The following TAPT1 variants were observed in gnomAD, a reference collection of about 807,000 sequenced individuals.
TAPT1 encodes transmembrane anterior posterior transformation 1.
In TAPT1, 28 loss-of-function variants were observed where a neutral mutation model predicts 65.6. That is an observed-to-expected ratio of 0.43 (90% CI 0.32 to 0.59). TAPT1 has a LOEUF of 0.59. Among genes scored for constraint, TAPT1 ranks in the 20% least tolerant of loss-of-function variants. The probability of loss-of-function intolerance (pLI) is 0.09; values close to 1 mark genes in which losing one functional copy is unlikely to be tolerated. For synonymous variants in TAPT1, 278 were observed against 245.2 expected (o/e 1.13, Z -1.25); for missense variants, 563 against 679.9 (o/e 0.83, Z 1.91).
At chr4:16,179,067 TC>T (rs537367103) in intron 8 of TAPT1, 2 of 152,594 alleles carry the variant, frequency 1.3e-5, no homozygotes, top group East Asian at 3.9e-4. Flanking sequence ...CCCAATCCAT[TC>T]TACTGAAACA....
chr4:16,195,368 T>C (rs1435933425), intron 3 of TAPT1, among the ~76,000 whole-genome samples: 1 of 152,228 alleles, frequency 6.6e-6, no homozygotes, highest in Non-Finnish European at 1.5e-5. Context: ...TGGTGGTTAC[T>C]GGCAATTCAC....
intron 8 of TAPT1, 40 bp downstream of exon 8, chr4:16,179,537 A>G (rs757686648): frequency 1.6e-6 from 2 of 1,224,766 alleles, no homozygotes; most frequent in Non-Finnish European, 2.2e-6. Flanking sequence ...TTGGCTTAGA[A>G]GTAAAATTAT....
intron 7 of TAPT1, among the ~76,000 whole-genome samples, chr4:16,184,323 C>T (rs1266415999): frequency 6.6e-6 from 1 of 152,188 alleles, no homozygotes; most frequent in African/African-American, 2.4e-5. Context: ...CTGAGACCTA[C>T]ATAGCTGACA....
intron 11 of TAPT1, among the ~76,000 whole-genome samples, chr4:16,172,981 G>A (rs540322952): frequency 6.6e-6 from 1 of 152,006 alleles, no homozygotes; most frequent in South Asian, 2.1e-4. Context: ...CTGCCACCAC[G>A]CCTGACTAAT....
intron 3 of TAPT1, among the ~76,000 whole-genome samples, chr4:16,200,221 A>T (rs1407241510): frequency 6.6e-6 from 1 of 152,236 alleles, no homozygotes; most frequent in African/African-American, 2.4e-5. Context: ...CGTCCACATA[A>T]AGATGGCTAG....
upstream of TAPT1, chr4:16,227,376 GT>G: frequency 2.2e-6 from 1 of 450,962 alleles, no homozygotes; most frequent in South Asian, 1.6e-5. Context: ...AACGAGCGTG[GT>G]GTCGAGACCA....
At chr4:16,224,176 C>T (rs961449) in intron 1 of TAPT1, among the ~76,000 whole-genome samples, 110,226 of 152,042 alleles carry the variant, frequency 0.72, 40,144 homozygotes, top group Middle Eastern at 0.86. Flanking sequence ...CAAATGACTC[C>T]AGGTGCTGCC....
At chr4:16,165,532 T>C in intron 13 of TAPT1, among the ~76,000 whole-genome samples, 1 of 146,574 alleles carries the variant, frequency 6.8e-6, no homozygotes, top group Admixed American at 6.9e-5. Flanking sequence ...ATCACGCCAC[T>C]GCACTCCAGC....
At chr4:16,226,997 G>C, upstream of TAPT1, 1 of 442,318 alleles carries the variant, frequency 2.3e-6, no homozygotes, top group Non-Finnish European at 4.5e-6. Context: ...GCGCGGCCGC[G>C]GCGGCGGGGG....
intron 7 of TAPT1, among the ~76,000 whole-genome samples, chr4:16,181,067 C>G (rs1169960200): frequency 6.6e-6 from 1 of 152,174 alleles, no homozygotes; most frequent in Non-Finnish European, 1.5e-5. Flanking sequence ...AAAGAGGATA[C>G]AGGTTAAAGG....
At chr4:16,200,115 A>G (rs894317083) in intron 3 of TAPT1, among the ~76,000 whole-genome samples, 52 of 152,172 alleles carry the variant, frequency 3.4e-4, no homozygotes, top group African/African-American at 9.4e-4. Context: ...GGAAGGGACC[A>G]CTCCAGAAGG....
At chr4:16,214,931 A>G (rs1448548503) in intron 1 of TAPT1, among the ~76,000 whole-genome samples, 1 of 152,210 alleles carries the variant, frequency 6.6e-6, no homozygotes, top group Non-Finnish European at 1.5e-5. Flanking sequence ...GATCTACTTA[A>G]GGAGTTGCAC....
At chr4:16,194,339 G>GT (rs1244931553) in intron 3 of TAPT1, among the ~76,000 whole-genome samples, 1 of 152,094 alleles carries the variant, frequency 6.6e-6, no homozygotes, top group African/African-American at 2.4e-5. Flanking sequence ...AATCATCTTG[G>GT]TTTTACAAAT....
intron 12 of TAPT1, 162 bp from the exon 13 acceptor site, chr4:16,166,955 T>G: frequency 3.7e-5 from 19 of 515,820 alleles, no homozygotes; most frequent in Middle Eastern, 5.4e-4. Flanking sequence ...TGAGGCCTCC[T>G]TGTCACAAAG....
intron 1 of TAPT1, among the ~76,000 whole-genome samples, chr4:16,224,681 TA>T (rs896307315): frequency 6.6e-6 from 1 of 151,990 alleles, no homozygotes; most frequent in African/African-American, 2.4e-5. Flanking sequence ...AACTATGGGT[TA>T]AAAAAAATCC....
At chr4:16,222,553 A>G (rs1304773496) in intron 1 of TAPT1, among the ~76,000 whole-genome samples, 2 of 152,220 alleles carry the variant, frequency 1.3e-5, no homozygotes, top group Non-Finnish European at 2.9e-5. Flanking sequence ...ATATAGGTGA[A>G]GACTGGTTAA....
intron 12 of TAPT1, among the ~76,000 whole-genome samples, chr4:16,167,963 GAT>G (rs1491521726): frequency 6.6e-6 from 1 of 151,976 alleles, no homozygotes; most frequent in African/African-American, 2.4e-5. Context: ...ATTTCCTTAG[GAT>G]ACCTAGATAC....
chr4:16,162,938 A>G lies in TAPT1; in HGVS notation c.*370T>C, dbSNP rs1165104750. The G allele has an allele frequency of 9.0e-6, 4 of 445,364 alleles. No individual in the cohort carries two copies. Among genetic ancestry groups the G allele is most frequent in the Non-Finnish European group, 1.4e-5 (3 of 218,274 alleles). 27.6% of individuals were successfully genotyped at this position (445,364 alleles called of 1,614,324 possible). ...CGTGGTAAAAGTTTCACAGTTTTCC[A>G]GGTATTTCCTTATACTGAAGAGGCC... On this transcript the variant is annotated 3_prime_UTR_variant, in exon 14 of 14. Transcript: ENST00000405303.
chr4:16,178,148 G>C (rs1168344204), intron 8 of TAPT1, among the ~76,000 whole-genome samples: 3 of 152,148 alleles, frequency 2.0e-5, no homozygotes, highest in African/African-American at 7.2e-5. Context: ...AGGTGACTTA[G>C]TTATAAAGAA....
Sources: allele counts gnomAD v4.1 joint callset (sites outside exome capture counted in the v4.1 genomes callset), GRCh38; gene constraint gnomAD v4.1.1; transcripts MANE v1.5; gene names NCBI Gene and HGNC (gene_info 2026-07-23, HGNC 2026-07-21).